The following WDR11 variants were observed in gnomAD, a reference collection of about 807,000 sequenced individuals.
WDR11 encodes the protein WD repeat-containing protein 11.
A neutral mutation model predicts 151.2 loss-of-function variants in WDR11; 83 were observed. The ratio of observed to expected loss-of-function variants is 0.55; its 90% CI spans 0.46 to 0.66. The LOEUF is 0.66. WDR11 is among the 30% of genes least tolerant of loss of function. The pLI is 0.00. For missense variants in WDR11, 1,301 were observed against 1,480.9 expected (o/e 0.88, Z 1.99); for synonymous variants, 484 against 533.1 (o/e 0.91, Z 1.27).
At chr10:120,887,622 G>C (rs1414523333) in intron 16 of WDR11, among the ~76,000 whole-genome samples, 1 of 152,318 alleles carries the variant, frequency 6.6e-6, no homozygotes, top group Non-Finnish European at 1.5e-5. Flanking sequence ...AGTGTAATGG[G>C]ACAGAAGGAT....
At chr10:120,886,644 A>AG (rs755304541) in intron 15 of WDR11, 45 bp from the exon 16 acceptor site, 92 of 1,580,642 alleles carry the variant, frequency 5.8e-5, no homozygotes, top group Middle Eastern at 1.7e-4. Context: ...GTATCACTCT[A>AG]GGGGAAAAAA....
chr10:120,909,302 T>TA lies in WDR11; in HGVS notation c.*589_*590insA. Reference sequence around the variant, plus strand: ...TAGGCTCAGAGGACCATAGGAGGTTTTAAGATTTATGTTTAGTCCGATAGG... The same window carrying TA: ...TAGGCTCAGAGGACCATAGGAGGTTTATAAGATTTATGTTTAGTCCGATAGG... On this transcript the variant is annotated 3_prime_UTR_variant, in exon 29 of 29. Coordinates refer to ENST00000263461, the MANE Select transcript of WDR11 (RefSeq NM_018117.12). The TA allele has an allele frequency of 6.5e-6, 1 of 154,738 alleles. No individual in the cohort carries two copies. 9.6% of individuals were successfully genotyped at this position (154,738 alleles called of 1,614,324 possible). A position where few individuals can be genotyped will look rare whatever the true frequency, so the allele number is the denominator to read the frequency against.
intron 19 of WDR11, among the ~76,000 whole-genome samples, chr10:120,893,225 T>A (rs1350017356): frequency 6.7e-6 from 1 of 149,210 alleles, no homozygotes; most frequent in Non-Finnish European, 1.5e-5. Flanking sequence ...CCATGTGTTC[T>A]CATTGTTCAA....
rs756214464 is a variant in WDR11 at position 120,900,015 on chromosome 10, T to C, written c.2516-14T>C. On this transcript the variant is annotated splice_polypyrimidine_tract_variant and intron_variant, in intron 19 of 28. Coordinates refer to ENST00000263461, the MANE Select transcript of WDR11 (RefSeq NM_018117.12). ...ACTTCATTTTATTTTTAAAAACCTT[T>C]CTTTGTTGTCTAGAGCCTGTGTGGT... The C allele has an allele frequency of 5.6e-6, 9 of 1,604,954 alleles. No individual in the cohort carries two copies. Among genetic ancestry groups the C allele is most frequent in the Non-Finnish European group, 7.7e-6 (9 of 1,171,964 alleles).
intron 2 of WDR11, among the ~76,000 whole-genome samples, chr10:120,856,364 C>T (rs1275850995): frequency 2.6e-5 from 4 of 152,072 alleles, no homozygotes; most frequent in East Asian, 1.9e-4. Context: ...CACCTGGGGT[C>T]AGGAGTTTGA....
Position 120,905,922 on chromosome 10 carries a change from T to C in WDR11, c.3338T>C (p.Val1113Ala). The C allele has an allele frequency of 6.2e-7, 1 of 1,614,012 alleles. No individual in the cohort carries two copies. Among genetic ancestry groups the C allele is most frequent in the African/African-American group, 1.3e-5 (1 of 74,964 alleles). ...EECADVLRRW[V>A]DHLCSPQVNQ... is the part of the protein sequence containing the mutation. ...TGTGCCGATGTTTTAAGGCGGTGGG[T>C]TGACCACCTTTGTTCTCCACAAGTC... Residue 1113 changes from valine (V) to alanine (A), a missense_variant, in exon 27 of 29, where the codon GTT (valine) becomes GCT (alanine). Around this residue, in one of 3 missense-constraint regions of WDR11, gnomAD observed 589 missense variants for 670.6 expected, o/e 0.88. Coordinates refer to ENST00000263461, the MANE Select transcript of WDR11 (RefSeq NM_018117.12).
rs1847719003 is a variant in WDR11 at position 120,899,157 on chromosome 10, G to A, written c.2516-872G>A. 2.6e-5 allele frequency among the ~76,000 whole-genome samples: 4 copies of A among 152,254 alleles called. No individual in the cohort carries two copies. The South Asian group carries it at 6.2e-4, about 24-fold the overall frequency. ...GTTGACAACTAGGCAAATCTTGCTT[G>A]TTAGTGTTCTAAGTAAGCCAGCTGC... On this transcript the variant is annotated intron_variant, in intron 19 of 28. Coordinates refer to ENST00000263461, the MANE Select transcript of WDR11 (RefSeq NM_018117.12).
intron 19 of WDR11, among the ~76,000 whole-genome samples, chr10:120,894,267 G>T (rs1258718913): frequency 1.3e-5 from 2 of 152,050 alleles, no homozygotes; most frequent in Non-Finnish European, 2.9e-5. Context: ...AGTGTTAAAG[G>T]CCACTGCTAA....
chr10:120,862,095 T>C (rs1404949534), intron 4 of WDR11, among the ~76,000 whole-genome samples: 3 of 152,050 alleles, frequency 2.0e-5, no homozygotes, highest in African/African-American at 7.2e-5. Flanking sequence ...TTTTTTAAGT[T>C]ATGGGATATG....
chr10:120,867,311 T>G, intron 9 of WDR11, 142 bp downstream of exon 9: 1 of 705,836 alleles, frequency 1.4e-6, no homozygotes, highest in East Asian at 2.7e-5. Flanking sequence ...CTTTCCTAAA[T>G]AAATCAGAGG....
At chr10:120,899,392 A>G (rs1847730285) in intron 19 of WDR11, among the ~76,000 whole-genome samples, 1 of 152,224 alleles carries the variant, frequency 6.6e-6, no homozygotes, top group African/African-American at 2.4e-5. Flanking sequence ...AATATTTAAA[A>G]ATAATGAACT....
intron 20 of WDR11, 132 bp downstream of exon 20, chr10:120,900,269 C>T: frequency 1.2e-6 from 1 of 823,890 alleles, no homozygotes; most frequent in Non-Finnish European, 2.0e-6. Context: ...GGCAGAGACA[C>T]TACAGAATTG....
chr10:120,906,197 C>G, intron 27 of WDR11, 176 bp downstream of exon 27: 1 of 1,501,364 alleles, frequency 6.7e-7, no homozygotes, highest in Admixed American at 2.1e-5. Context: ...ATTACATCTT[C>G]ATTCGGTCTA....
At chr10:120,904,981 A>G (rs570955319) in intron 25 of WDR11, among the ~76,000 whole-genome samples, 170 bp downstream of exon 25, 57 of 152,344 alleles carry the variant, frequency 3.7e-4, no homozygotes, top group South Asian at 1.4e-3. Context: ...ACCAGAATTA[A>G]TTGTTTACAC....
intron 27 of WDR11, 130 bp downstream of exon 27, chr10:120,906,151 C>A: frequency 6.4e-7 from 1 of 1,554,064 alleles, no homozygotes. Flanking sequence ...TCAGGTTTGT[C>A]AAAAAACCCA....
chr10:120,860,202 G>T lies in WDR11; in HGVS notation c.446G>T (p.Gly149Val), dbSNP rs1375297133. 1 of 1,613,962 alleles carries T rather than the reference G, an allele frequency of 6.2e-7. No individual in the cohort carries two copies. Among genetic ancestry groups the T allele is most frequent in the Non-Finnish European group, 8.5e-7 (1 of 1,180,016 alleles). Residue 149 changes from glycine to valine, a missense_variant, in exon 4 of 29, where the codon GGC (glycine) becomes GTC (valine). Coordinates refer to ENST00000263461, the MANE Select transcript of WDR11 (RefSeq NM_018117.12). ...NYIVLWNADT[G>V]TKLWKKSYAD... ...ATTGTGCTCTGGAATGCCGACACTG[G>T]CACCAAACTATGGAAGAAGAGCTAT...
intron 12 of WDR11, chr10:120,880,556 T>C (rs1590086983): frequency 2.6e-6 from 1 of 386,298 alleles, no homozygotes; most frequent in African/African-American, 2.1e-5. Flanking sequence ...CTACTCGGGA[T>C]GCTAAGGCAA....
intron 13 of WDR11, among the ~76,000 whole-genome samples, chr10:120,881,796 G>A (rs75299173): frequency 0.017 from 2,536 of 152,048 alleles, 21 homozygotes; most frequent in African/African-American, 0.026. Flanking sequence ...AGACAGTCTC[G>A]TTTGCTAGTA....
chr10:120,855,123 C>T (rs1006250106), intron 2 of WDR11, among the ~76,000 whole-genome samples: 1 of 152,036 alleles, frequency 6.6e-6, no homozygotes, highest in Non-Finnish European at 1.5e-5. Flanking sequence ...TAAAGGAGAA[C>T]AATTATAACA....
Sources: gnomAD v4.1 joint callset for allele counts (sites outside exome capture counted in the v4.1 genomes callset) on GRCh38, gnomAD v4.1.1 for gene constraint, gnomAD v4.1.1 regional missense constraint, MANE v1.5 for transcripts, NCBI Gene and HGNC (gene_info 2026-07-23, HGNC 2026-07-21) for gene names.